LAMA1: variants seen among roughly 807,000 people sequenced by gnomAD.
LAMA1 encodes laminin subunit alpha 1, also known as laminin subunit alpha-1.
In LAMA1, 219 loss-of-function variants were observed where a neutral mutation model predicts 348.7. The ratio of observed to expected loss-of-function variants is 0.63; its 90% CI spans 0.56 to 0.70. LAMA1 has a LOEUF of 0.70. Ranked by LOEUF, LAMA1 falls within the 30% of genes least tolerant of loss-of-function variation. The probability of loss-of-function intolerance (pLI) is 0.00; values close to 1 mark genes in which losing one functional copy is unlikely to be tolerated. For missense variants in LAMA1, 3,744 were observed against 3,888.0 expected, an observed-to-expected ratio of 0.96 and a Z score of 0.99; for synonymous variants, 1,487 against 1,491.0, an observed-to-expected ratio of 1.00 and a Z score of 0.06.
Position 6,958,383 on chromosome 18 carries a change from A to G in LAMA1, c.7964+94T>C, listed in dbSNP as rs982763259. 21 of 1,414,734 alleles carry G rather than the reference A, an allele frequency of 1.5e-5. No individual in the cohort carries two copies. In the East Asian group the frequency reaches 4.8e-4, roughly 32 times the overall value. The allele number at this position is 1,414,734 out of a possible 1,614,324, so 87.6% of individuals were successfully genotyped here. ...TATTTGGGAATTTGCAAAGTTTTCA[A>G]TCTCAAACAGTACAATGAGATTTCA... On this transcript the variant is annotated intron_variant, in intron 55 of 62. Coordinates refer to ENST00000389658, the MANE Select transcript of LAMA1 (RefSeq NM_005559.4).
intron 1 of LAMA1, among the ~76,000 whole-genome samples, chr18:7,090,481 G>C (rs941577053): frequency 1.3e-5 from 2 of 152,044 alleles, no homozygotes; most frequent in Non-Finnish European, 2.9e-5. Context: ...ACTAAGGGGA[G>C]AATAACCCCC....
At chr18:7,022,437 C>G (rs2057922039) in intron 19 of LAMA1, among the ~76,000 whole-genome samples, 1 of 152,226 alleles carries the variant, frequency 6.6e-6, no homozygotes, top group African/African-American at 2.4e-5. Context: ...TTTCCAATCT[C>G]TCCACGTGTG....
In LAMA1 at chr18:6,941,880, A is replaced by G. The variant is rs2057500006; in HGVS notation, c.*199T>C. 6.4e-6 allele frequency: 4 copies of G among 621,442 alleles called. No homozygotes were observed. Among genetic ancestry groups the G allele is most frequent in the Non-Finnish European group, 1.1e-5 (4 of 355,188 alleles). 38.5% of individuals were successfully genotyped at this position (621,442 alleles called of 1,614,324 possible). A position where few individuals can be genotyped will look rare whatever the true frequency, so the allele number is the denominator to read the frequency against. On this transcript the variant is annotated 3_prime_UTR_variant, in exon 63 of 63. Transcript: ENST00000389658. ...ATACGTTTAAAAAGAGAGCCAGGGA[A>G]TTCAATTTACATTTTAGACCATTTA...
Position 6,985,318 on chromosome 18 carries a change from G to C in LAMA1, c.5579C>G (p.Ser1860Cys). The C allele has an allele frequency of 6.2e-7, 1 of 1,614,214 alleles. No homozygotes were observed. Among genetic ancestry groups the C allele is most frequent in the Non-Finnish European group, 8.5e-7 (1 of 1,180,048 alleles). The change falls in exon 39 of 63, where the codon TCC becomes TGC. Residue 1860 changes from serine (S) to cysteine (C), a missense_variant. Ser to Cys is a moderately radical substitution (Grantham distance 112). Around this residue, in one of 3 missense-constraint regions of LAMA1, gnomAD observed 1,983 missense variants for 1,934.3 expected, o/e 1.03. Transcript: ENST00000389658. ...HHIDDLVMHM[S>C]QRNAVDLVYR... ...GACCAGGTCGACTGCGTTCCTTTGG[G>C]ACATGTGCATGACCAGGTCATCTAT...
At chr18:6,995,101 C>A (rs1447437773) in intron 34 of LAMA1, among the ~76,000 whole-genome samples, 1 of 152,212 alleles carries the variant, frequency 6.6e-6, no homozygotes, top group African/African-American at 2.4e-5. Flanking sequence ...AAATGAAAGT[C>A]AGAGCCAAGA....
At chr18:6,977,691 A>C in intron 44 of LAMA1, 36 bp downstream of exon 44, 2 of 1,612,900 alleles carry the variant, frequency 1.2e-6, no homozygotes, top group Non-Finnish European at 1.7e-6. Flanking sequence ...CATGACTGAG[A>C]GCCCAGTTAC....
intron 1 of LAMA1, among the ~76,000 whole-genome samples, chr18:7,106,483 C>T (rs1022047798): frequency 6.6e-6 from 1 of 151,812 alleles, no homozygotes; most frequent in Admixed American, 6.6e-5. Context: ...CCTCAGCCTC[C>T]CAAGTAGCTC....
rs192580645 is a variant in LAMA1 at position 6,946,107 on chromosome 18, T to A, written c.8844+1056A>T. Among the ~76,000 whole-genome samples, 61 of 151,668 alleles carry A rather than the reference T, an allele frequency of 4.0e-4. No homozygotes were observed. In the East Asian group the frequency reaches 0.011, roughly 27 times the overall value. ...AGGCTGAAAAGCAAGGGCAGAACAG[T>A]CACAGAAAAAAATAACATGTTCTAC... On this transcript the variant is annotated intron_variant, in intron 61 of 62. Transcript: ENST00000389658.
chr18:6,994,257 C>A (rs1320776800), intron 34 of LAMA1, among the ~76,000 whole-genome samples: 1 of 149,256 alleles, frequency 6.7e-6, no homozygotes, highest in East Asian at 2.0e-4. Context: ...ACGCTTACCT[C>A]CCAGGGCTGC....
Position 6,943,529 on chromosome 18 carries a change from T to C in LAMA1, c.8845-127A>G, listed in dbSNP as rs8095846. On this transcript the variant is annotated intron_variant, in intron 61 of 62. Transcript: ENST00000389658. ...AGAGCTAACTAGGAGAAACAGAAAA[T>C]AGTTTTGAAAAGTAACCTTTTAAAG... 6,229 of 820,014 alleles carry C rather than the reference T, an allele frequency of 7.6e-3. 283 individuals carry two copies. The African/African-American group carries it at 0.091, about 12-fold the overall frequency. 50.8% of individuals were successfully genotyped at this position (820,014 alleles called of 1,614,324 possible).
At chr18:7,046,849 T>C (rs2058043582) in intron 5 of LAMA1, among the ~76,000 whole-genome samples, 1 of 152,162 alleles carries the variant, frequency 6.6e-6, no homozygotes, top group African/African-American at 2.4e-5. Context: ...TTAATAGACT[T>C]CTTTTTAGAT....
intron 1 of LAMA1, among the ~76,000 whole-genome samples, chr18:7,085,475 G>A (rs1313647325): frequency 7.5e-6 from 1 of 133,198 alleles, no homozygotes. Flanking sequence ...CTGTAGTGCA[G>A]TGGCACGATC....
chr18:6,999,855 C>A, intron 31 of LAMA1, 56 bp downstream of exon 31: 1 of 1,492,638 alleles, frequency 6.7e-7, no homozygotes, highest in Non-Finnish European at 9.3e-7. Flanking sequence ...ATGCCCAATA[C>A]CTTATAAAAG....
chr18:6,962,948 G>A (rs1311134788), intron 51 of LAMA1, among the ~76,000 whole-genome samples: 1 of 152,160 alleles, frequency 6.6e-6, no homozygotes, highest in Non-Finnish European at 1.5e-5. Context: ...ATGTAGTCCA[G>A]CTCTAATTTC....
intron 1 of LAMA1, among the ~76,000 whole-genome samples, chr18:7,099,202 T>C (rs1388964990): frequency 6.6e-6 from 1 of 151,198 alleles, no homozygotes; most frequent in Non-Finnish European, 1.5e-5. Context: ...ATGTGCTGTG[T>C]CCACTCAGGG....
At chr18:6,966,917 A>G (rs555404689) in intron 48 of LAMA1, among the ~76,000 whole-genome samples, 19 of 152,174 alleles carry the variant, frequency 1.2e-4, no homozygotes, top group Non-Finnish European at 2.2e-4. Flanking sequence ...CCCCCAACAG[A>G]GCAAAAGGCT....
intron 18 of LAMA1, 74 bp from the exon 19 acceptor site, chr18:7,023,449 C>T: frequency 3.3e-6 from 4 of 1,208,584 alleles, no homozygotes; most frequent in Non-Finnish European, 4.9e-6. Context: ...CAGGGACTCC[C>T]TGAATGGCTA....
chr18:7,104,896 C>T (rs1160986196), intron 1 of LAMA1, among the ~76,000 whole-genome samples: 1 of 152,186 alleles, frequency 6.6e-6, no homozygotes, highest in Non-Finnish European at 1.5e-5. Flanking sequence ...TCTGGCTCTG[C>T]TCGGTTGGGT....
intron 10 of LAMA1, among the ~76,000 whole-genome samples, chr18:7,039,685 A>T (rs2144179204): frequency 6.6e-6 from 1 of 152,294 alleles, no homozygotes; most frequent in East Asian, 1.9e-4. Flanking sequence ...TTCCAATAAA[A>T]CTTTATTCAC....
Sources: allele counts gnomAD v4.1 joint callset (sites outside exome capture counted in the v4.1 genomes callset), GRCh38; gene constraint gnomAD v4.1.1; regional missense constraint gnomAD v4.1.1; transcripts MANE v1.5; gene names NCBI Gene and HGNC (gene_info 2026-07-23, HGNC 2026-07-21).